Variants in GFPT1 observed in about 807,000 individuals in gnomAD.
The protein encoded by GFPT1 is glutamine--fructose-6-phosphate transaminase 1, also known as glutamine--fructose-6-phosphate aminotransferase [isomerizing] 1.
Under a neutral mutation model 92.0 loss-of-function variants are expected in GFPT1, and 40 were observed. The observed-to-expected ratio is 0.43, with a 90% CI of 0.34 to 0.57. GFPT1 has a LOEUF of 0.57. GFPT1 is among the 20% of genes least tolerant of loss of function. The pLI is 0.02. For synonymous variants in GFPT1, 269 were observed against 280.6 expected (o/e 0.96, Z 0.41); for missense variants, 448 against 869.1 (o/e 0.52, Z 6.09).
intron 1 of GFPT1, among the ~76,000 whole-genome samples, chr2:69,376,435 C>T (rs1671871636): frequency 6.6e-6 from 1 of 152,148 alleles, no homozygotes; most frequent in South Asian, 2.1e-4. Context: ...CACTTGAACC[C>T]TTGAACCCAG....
chr2:69,356,346 A>T, intron 7 of GFPT1, 150 bp downstream of exon 7: 2 of 710,820 alleles, frequency 2.8e-6, no homozygotes, highest in Non-Finnish European at 5.2e-6. Context: ...TAAGCAACAG[A>T]CAAGAAGGAA....
intron 15 of GFPT1, among the ~76,000 whole-genome samples, chr2:69,337,026 C>T (rs1486870422): frequency 3.3e-5 from 5 of 150,150 alleles, no homozygotes; most frequent in Non-Finnish European, 7.4e-5. Flanking sequence ...ATACAATACT[C>T]ATTAAAAAAT....
At chr2:69,359,218 C>T (rs756995337) in intron 5 of GFPT1, 50 bp downstream of exon 5, 7 of 941,320 alleles carry the variant, frequency 7.4e-6, no homozygotes, top group South Asian at 1.3e-5. Context: ...CCAGTGCTCT[C>T]GTTAGAAGTA....
chr2:69,373,765 C>T (rs1042437469), intron 2 of GFPT1, among the ~76,000 whole-genome samples: 6 of 151,836 alleles, frequency 4.0e-5, no homozygotes, highest in Non-Finnish European at 7.4e-5. Context: ...CACAATAATC[C>T]CCCATATGAT....
At chr2:69,368,615 G>C (rs922329429) in intron 3 of GFPT1, among the ~76,000 whole-genome samples, 9 of 152,062 alleles carry the variant, frequency 5.9e-5, no homozygotes, top group Non-Finnish European at 1.0e-4. Context: ...GGTAATCCCA[G>C]CCACTCGGGA....
chr2:69,325,319 G>C lies in GFPT1; in HGVS notation c.*870C>G, dbSNP rs77753566. The C allele has an allele frequency of 2.6e-5, 4 of 151,870 alleles. No homozygotes were observed. The highest frequency in any genetic ancestry group is 2.6e-4 in the Admixed American group (4 of 15,244). 9.4% of individuals were successfully genotyped at this position (151,870 alleles called of 1,614,324 possible). Reference sequence around the variant, plus strand: ...AGCAGCTCTGTGTTGTGATTTTAAAGAACAAGATAAAATATGTCATTCAGC... The same window carrying C: ...AGCAGCTCTGTGTTGTGATTTTAAACAACAAGATAAAATATGTCATTCAGC... On this transcript the variant is annotated 3_prime_UTR_variant, in exon 20 of 20. Coordinates refer to ENST00000357308, the MANE Select transcript of GFPT1 (RefSeq NM_001244710.2).
chr2:69,347,714 C>T (rs1401627163), intron 11 of GFPT1, among the ~76,000 whole-genome samples: 1 of 152,084 alleles, frequency 6.6e-6, no homozygotes, highest in African/African-American at 2.4e-5. Flanking sequence ...AACTCCCCAC[C>T]TTAGGTGATC....
chr2:69,331,575 T>C (rs988887629), intron 15 of GFPT1, among the ~76,000 whole-genome samples: 1 of 152,166 alleles, frequency 6.6e-6, no homozygotes, highest in Non-Finnish European at 1.5e-5. Flanking sequence ...TGGTGTGATG[T>C]AACAAGGGTT....
chr2:69,334,130 T>A (rs1308663854), intron 15 of GFPT1, among the ~76,000 whole-genome samples: 1 of 152,160 alleles, frequency 6.6e-6, no homozygotes, highest in Non-Finnish European at 1.5e-5. Context: ...CACTCCAGCC[T>A]GGGCAACAAG....
intron 16 of GFPT1, 102 bp from the exon 17 acceptor site, chr2:69,329,526 C>T: frequency 9.9e-7 from 1 of 1,013,450 alleles, no homozygotes; most frequent in Non-Finnish European, 1.5e-6. Context: ...TTCCTCTGTG[C>T]TATCAATCAG....
chr2:69,358,218 T>C (rs1047938438), intron 6 of GFPT1, 111 bp downstream of exon 6: 27 of 892,382 alleles, frequency 3.0e-5, no homozygotes, highest in Middle Eastern at 4.5e-4. Flanking sequence ...ATATGAGAAA[T>C]AAAAGCCAAA....
At chr2:69,333,511 T>C (rs1670721869) in intron 15 of GFPT1, among the ~76,000 whole-genome samples, 1 of 152,224 alleles carries the variant, frequency 6.6e-6, no homozygotes, top group Admixed American at 6.5e-5. Context: ...ACATTCAGAA[T>C]CTACCGAGGT....
intron 9 of GFPT1, among the ~76,000 whole-genome samples, chr2:69,353,421 C>T (rs1398678443): frequency 6.6e-6 from 1 of 152,178 alleles, no homozygotes; most frequent in Non-Finnish European, 1.5e-5. Context: ...GTGGTCCCAG[C>T]TACTCAAGAG....
intron 15 of GFPT1, among the ~76,000 whole-genome samples, chr2:69,333,058 A>G (rs1670709632): frequency 1.3e-5 from 2 of 152,064 alleles, no homozygotes; most frequent in Non-Finnish European, 2.9e-5. Flanking sequence ...TTTTCCCATA[A>G]CACTAAAGTG....
chr2:69,364,411 G>C (rs1039695979), intron 3 of GFPT1, among the ~76,000 whole-genome samples: 5 of 152,126 alleles, frequency 3.3e-5, no homozygotes, highest in Non-Finnish European at 7.4e-5. Context: ...AAATACTCAA[G>C]AGTTAAGGAC....
intron 1 of GFPT1, among the ~76,000 whole-genome samples, chr2:69,383,520 T>G (rs1672058787): frequency 6.6e-6 from 1 of 152,204 alleles, no homozygotes; most frequent in African/African-American, 2.4e-5. Flanking sequence ...TACAAAAAAC[T>G]TTTGAAAAAT....
At chr2:69,354,443 A>G in intron 8 of GFPT1, 46 bp downstream of exon 8, 5 of 1,332,282 alleles carry the variant, frequency 3.8e-6, no homozygotes, top group Admixed American at 1.7e-5. Flanking sequence ...CTTAAGGAAA[A>G]TAATTCTTCA....
intron 1 of GFPT1, among the ~76,000 whole-genome samples, chr2:69,381,784 C>T (rs182357521): frequency 1.3e-5 from 2 of 151,424 alleles, no homozygotes; most frequent in East Asian, 1.9e-4. Flanking sequence ...GAACTCCTAG[C>T]GTCAAGCAAT....
intron 13 of GFPT1, among the ~76,000 whole-genome samples, chr2:69,340,139 A>AATT (rs1558740388): frequency 8.1e-6 from 1 of 124,168 alleles, no homozygotes; most frequent in Non-Finnish European, 1.6e-5. Flanking sequence ...AGTTGGGGCA[A>AATT]CTTTTTTTTT....
Sources: allele counts gnomAD v4.1 joint callset (sites outside exome capture counted in the v4.1 genomes callset), GRCh38; gene constraint gnomAD v4.1.1; transcripts MANE v1.5; gene names NCBI Gene and HGNC (gene_info 2026-07-23, HGNC 2026-07-21).